Variants in SGSM1 observed in about 807,000 individuals in gnomAD.
The protein encoded by SGSM1 is small G protein signaling modulator 1, also known as RUN and TBC1 domain containing 2.
In SGSM1, 73 loss-of-function variants were observed where a neutral mutation model predicts 133.8. The observed-to-expected ratio is 0.55, with a 90% CI of 0.45 to 0.66. The LOEUF is 0.66. SGSM1 is among the 30% of genes least tolerant of loss of function. SGSM1 has a pLI of 0.00. For missense variants in SGSM1, 1,213 were observed against 1,448.1 expected (o/e 0.84, Z 2.64); for synonymous variants, 563 against 573.0 (o/e 0.98, Z 0.25).
intron 12 of SGSM1, 95 bp from the exon 13 acceptor site, chr22:24,876,481 TG>T: frequency 6.7e-7 from 1 of 1,502,538 alleles, no homozygotes; most frequent in Non-Finnish European, 9.2e-7. Flanking sequence ...CTGTGCTGGC[TG>T]GGGCGGGTGA....
chr22:24,861,737 G>A (rs914573613), intron 9 of SGSM1, among the ~76,000 whole-genome samples: 8 of 151,550 alleles, frequency 5.3e-5, no homozygotes, highest in East Asian at 3.9e-4. Flanking sequence ...CGTTAGATAC[G>A]GGGTTTCATC....
At chr22:24,888,533 C>G (rs770205060) in intron 16 of SGSM1, among the ~76,000 whole-genome samples, 2 of 151,972 alleles carry the variant, frequency 1.3e-5, no homozygotes, top group Non-Finnish European at 2.9e-5. Flanking sequence ...TTTGGGAGGC[C>G]GAGGCAGGTG....
intron 18 of SGSM1, 40 bp from the exon 19 acceptor site, chr22:24,897,932 G>A (rs758401470): frequency 7.9e-6 from 12 of 1,525,024 alleles, no homozygotes; most frequent in East Asian, 7.3e-5. Flanking sequence ...TGCTGCAGTC[G>A]ACATGCCGGT....
At chr22:24,834,307 G>A (rs1929300141) in intron 2 of SGSM1, among the ~76,000 whole-genome samples, 1 of 152,252 alleles carries the variant, frequency 6.6e-6, no homozygotes, top group Non-Finnish European at 1.5e-5. Flanking sequence ...CTGGAGCTGC[G>A]AAGTAGACCA....
intron 8 of SGSM1, among the ~76,000 whole-genome samples, chr22:24,858,199 A>G (rs1015746869): frequency 1.3e-5 from 2 of 152,068 alleles, no homozygotes; most frequent in African/African-American, 4.8e-5. Context: ...AGGCTGATCT[A>G]AAACTCCTGG....
intron 2 of SGSM1, among the ~76,000 whole-genome samples, chr22:24,818,210 C>A (rs1167597788): frequency 2.0e-5 from 3 of 149,106 alleles, no homozygotes; most frequent in Non-Finnish European, 4.5e-5. Flanking sequence ...CCAGCCTGGG[C>A]AACAGAGCAA....
intron 10 of SGSM1, 81 bp from the exon 11 acceptor site, chr22:24,868,295 G>A (rs1931567674): frequency 6.5e-7 from 1 of 1,535,484 alleles, no homozygotes. Context: ...GCACCCCTGG[G>A]GGATGTGCTT....
chr22:24,887,071 T>C (rs1339366747), intron 16 of SGSM1, among the ~76,000 whole-genome samples: 1 of 151,766 alleles, frequency 6.6e-6, no homozygotes, highest in Non-Finnish European at 1.5e-5. Context: ...AATATACTCA[T>C]CTTAATCAGA....
rs1026977435 is a variant in SGSM1, at chr22:24,807,884, C to T, written c.63+1400C>T. Among the ~76,000 whole-genome samples, 545 of 104,290 alleles carry T rather than the reference C, an allele frequency of 5.2e-3. 2 individuals carry two copies. Among genetic ancestry groups the T allele is most frequent in the African/African-American group, 0.02 (520 of 25,474 alleles). 68.4% of individuals were successfully genotyped at this position (104,290 alleles called of 152,430 possible). ...CGTCCTCCGGGAGCATGAGTATGTG[C>T]CTGCGTGTGTGTGTGTGTGTGTGTG... On this transcript the variant is annotated intron_variant, in intron 2 of 24. Coordinates refer to ENST00000400358, the MANE Select transcript of SGSM1 (RefSeq NM_001098497.3).
Position 24,879,513 on chromosome 22 carries a change from A to G in SGSM1, c.1482A>G (p.Arg494=), listed in dbSNP as rs761301931. Residue 494 remains arginine (R), a synonymous_variant, in exon 14 of 25, where the codon AGA becomes AGG. Transcript: ENST00000400358. ...ATATGAAGTACCAGATCCTCTCCAGAGCCTTCTATGGATGTACGTATAGGG... is the reference window on the plus strand; with the variant it reads ...ATATGAAGTACCAGATCCTCTCCAGGGCCTTCTATGGATGTACGTATAGGG... ...CDNMKYQILS[R]AFYGWLAYCR... is the part of the protein sequence containing the mutation. 4.3e-6 allele frequency: 7 copies of G among 1,613,600 alleles called. No individual in the cohort carries two copies. Among genetic ancestry groups the G allele is most frequent in the South Asian group, 1.1e-5 (1 of 90,870 alleles).
intron 2 of SGSM1, among the ~76,000 whole-genome samples, chr22:24,820,421 C>T (rs571397645): frequency 5.9e-5 from 9 of 152,292 alleles, no homozygotes; most frequent in African/African-American, 2.2e-4. Flanking sequence ...ACGATTAACT[C>T]GGGCCAGGTT....
chr22:24,827,569 G>A (rs762090944), intron 2 of SGSM1, among the ~76,000 whole-genome samples: 1 of 152,060 alleles, frequency 6.6e-6, no homozygotes, highest in Non-Finnish European at 1.5e-5. Context: ...GCTGAAGGAC[G>A]CCTCAGCAGC....
chr22:24,885,624 A>G (rs1165673465), intron 15 of SGSM1, among the ~76,000 whole-genome samples: 4 of 151,754 alleles, frequency 2.6e-5, no homozygotes, highest in Admixed American at 1.3e-4. Flanking sequence ...AGGTTTCACC[A>G]TGTTGGCCAG....
At chr22:24,891,427 A>G (rs895930501) in intron 16 of SGSM1, among the ~76,000 whole-genome samples, 4 of 152,156 alleles carry the variant, frequency 2.6e-5, no homozygotes, top group Admixed American at 6.6e-5. Context: ...GGAGCACCAG[A>G]CTGGCCCTTT....
intron 2 of SGSM1, among the ~76,000 whole-genome samples, chr22:24,826,014 A>T (rs1011405268): frequency 6.6e-6 from 1 of 152,142 alleles, no homozygotes; most frequent in South Asian, 2.1e-4. Context: ...TGCCACAAGC[A>T]CTGTGCTGGG....
chr22:24,826,026 GCTTTAAA>G (rs1247097158), intron 2 of SGSM1, among the ~76,000 whole-genome samples: 1 of 152,194 alleles, frequency 6.6e-6, no homozygotes, highest in Non-Finnish European at 1.5e-5. Flanking sequence ...TGTGCTGGGT[GCTTTAAA>G]CCAGGGGTGT....
intron 2 of SGSM1, chr22:24,814,032 C>G (rs1055378336): frequency 6.6e-6 from 1 of 152,222 alleles, no homozygotes; most frequent in African/African-American, 2.4e-5. Context: ...GTCTCACTTT[C>G]CTGCTTTCTA....
chr22:24,871,633 G>T lies in SGSM1; in HGVS notation c.1291+2778G>T, dbSNP rs370499921. The stretch of plus-strand genomic sequence containing the variant: ...CAGAAGGGTTAAGCAACTAGTCCAG[G>T]ATCACACAACTAATTCTTGTCATGG... On this transcript the variant is annotated intron_variant, in intron 12 of 24. Coordinates refer to ENST00000400358, the MANE Select transcript of SGSM1 (RefSeq NM_001098497.3). Among the ~76,000 whole-genome samples, 21 of 152,142 alleles carry T rather than the reference G, an allele frequency of 1.4e-4. No individual in the cohort carries two copies. In the East Asian group the frequency reaches 2.5e-3, roughly 18 times the overall value.
chr22:24,814,910 C>T (rs1927976147), intron 2 of SGSM1, among the ~76,000 whole-genome samples: 2 of 152,172 alleles, frequency 1.3e-5, no homozygotes, highest in South Asian at 4.1e-4. Context: ...TGGGTCTTCC[C>T]TCTGAGGCTG....
Sources: gnomAD v4.1 joint callset for allele counts (sites outside exome capture counted in the v4.1 genomes callset) on GRCh38, gnomAD v4.1.1 for gene constraint, MANE v1.5 for transcripts, NCBI Gene and HGNC (gene_info 2026-07-23, HGNC 2026-07-21) for gene names.